Variants in NAALADL2 observed in about 807,000 individuals in gnomAD.
NAALADL2 encodes the protein inactive N-acetylated-alpha-linked acidic dipeptidase-like protein 2.
A neutral mutation model predicts 87.2 loss-of-function variants in NAALADL2; 76 were observed. That is an observed-to-expected ratio of 0.87 (90% CI 0.72 to 1.05). NAALADL2 has a LOEUF of 1.05. Ranked by LOEUF, NAALADL2 falls within the 50% of genes least tolerant of loss-of-function variation. NAALADL2 has a pLI of 0.00. For missense variants in NAALADL2, 1,089 were observed against 945.8 expected (o/e 1.15, Z -1.99); for synonymous variants, 354 against 331.0 (o/e 1.07, Z -0.75).
At chr3:174,855,604 G>A (rs1355066772), upstream of NAALADL2, among the ~76,000 whole-genome samples, 2 of 151,720 alleles carry the variant, frequency 1.3e-5, no homozygotes, top group African/African-American at 2.4e-5. Context: ...GCTAATCTAT[G>A]TCTTTGTTTT....
At chr3:175,572,472 T>C (rs1718231131) in intron 9 of NAALADL2, among the ~76,000 whole-genome samples, 2 of 149,098 alleles carry the variant, frequency 1.3e-5, no homozygotes, top group African/African-American at 5.0e-5. Context: ...AGGGAAAAAA[T>C]TAGACTTTTA....
chr3:174,836,700 C>A (rs2109398403), intron 3 of NAALADL2, among the ~76,000 whole-genome samples: 1 of 111,404 alleles, frequency 9.0e-6, no homozygotes. Flanking sequence ...CAGAGCGAGA[C>A]TCCGTCTCAA....
chr3:175,162,136 A>C (rs1733319658), intron 2 of NAALADL2, among the ~76,000 whole-genome samples: 1 of 152,120 alleles, frequency 6.6e-6, no homozygotes, highest in East Asian at 1.9e-4. Flanking sequence ...TTTGGTGTGA[A>C]ATATAAACTG....
At position 175,793,500 on chromosome 3, in the gene NAALADL2, A is replaced by G. The variant is rs188139950; in HGVS notation, c.2190-9505A>G. 2.6e-5 allele frequency among the ~76,000 whole-genome samples: 4 copies of G among 151,276 alleles called. No individual in the cohort carries two copies. In the East Asian group the frequency reaches 7.8e-4, roughly 30 times the overall value. On this transcript the variant is annotated intron_variant, in intron 13 of 13. Coordinates refer to ENST00000454872, the MANE Select transcript of NAALADL2 (RefSeq NM_207015.3). ...AATTTTTTTTTTTTGTATATTTAGT[A>G]GAGACGGGGTTACACCGTGTTAGCC...
intron 11 of NAALADL2, among the ~76,000 whole-genome samples, chr3:175,647,616 T>C (rs1730190837): frequency 6.6e-6 from 1 of 152,174 alleles, no homozygotes; most frequent in Non-Finnish European, 1.5e-5. Context: ...GACTGAGATC[T>C]AATGGGCAGT....
intron 2 of NAALADL2, among the ~76,000 whole-genome samples, chr3:175,154,270 T>C (rs1450353070): frequency 6.6e-6 from 1 of 152,192 alleles, no homozygotes; most frequent in Non-Finnish European, 1.5e-5. Flanking sequence ...TGTTGCATTA[T>C]CCTACTGGAC....
intron 1 of NAALADL2, among the ~76,000 whole-genome samples, chr3:174,924,490 T>C (rs2108373959): frequency 6.6e-6 from 1 of 152,228 alleles, no homozygotes; most frequent in South Asian, 2.1e-4. Context: ...GTTCCAAGTC[T>C]TTGCTATTGT....
intron 1 of NAALADL2, among the ~76,000 whole-genome samples, chr3:174,927,613 G>T (rs574508204): frequency 1.1e-4 from 17 of 152,252 alleles, no homozygotes; most frequent in African/African-American, 3.6e-4. Context: ...TGACTACTGG[G>T]TACATAACGA....
chr3:175,654,893 G>A (rs574174284), intron 11 of NAALADL2, among the ~76,000 whole-genome samples: 16 of 151,726 alleles, frequency 1.1e-4, no homozygotes, highest in Admixed American at 5.2e-4. Context: ...TTCTGATATT[G>A]CATTACGTAG....
chr3:175,133,709 G>A lies in NAALADL2; in HGVS notation c.545+36418G>A, dbSNP rs558138840. 2.4e-4 allele frequency among the ~76,000 whole-genome samples: 37 copies of A among 152,288 alleles called. No individual in the cohort carries two copies. The South Asian group carries it at 6.4e-3, about 26-fold the overall frequency. ...TTCGGCTTGGCATCAGAGGGAGACC[G>A]TGGAAAGAGAGGGAGAGGGAGACCG... On this transcript the variant is annotated intron_variant, in intron 2 of 13. Coordinates refer to ENST00000454872, the MANE Select transcript of NAALADL2 (RefSeq NM_207015.3).
At chr3:174,665,407 C>T (rs1419046100) in intron 2 of NAALADL2, among the ~76,000 whole-genome samples, 2 of 152,110 alleles carry the variant, frequency 1.3e-5, no homozygotes, top group Non-Finnish European at 2.9e-5. Flanking sequence ...TGCATGCAAC[C>T]TCAGCTCTAA....
At chr3:174,742,795 G>A (rs941813937) in intron 3 of NAALADL2, among the ~76,000 whole-genome samples, 4 of 151,424 alleles carry the variant, frequency 2.6e-5, no homozygotes, top group Non-Finnish European at 4.4e-5. Context: ...TTTGTAGGGT[G>A]TATTATTATG....
intron 1 of NAALADL2, among the ~76,000 whole-genome samples, chr3:175,036,978 ACT>A (rs1162057639): frequency 5.3e-5 from 8 of 151,698 alleles, no homozygotes; most frequent in African/African-American, 1.9e-4. Flanking sequence ...ACTCAGAGCT[ACT>A]CTCTCATACA....
At chr3:174,912,677 A>G (rs1733862241) in intron 1 of NAALADL2, among the ~76,000 whole-genome samples, 1 of 152,168 alleles carries the variant, frequency 6.6e-6, no homozygotes, top group Non-Finnish European at 1.5e-5. Context: ...GAAGCACAGG[A>G]TGGAAAATTT....
intron 10 of NAALADL2, among the ~76,000 whole-genome samples, chr3:175,621,765 G>T (rs1726260952): frequency 6.6e-6 from 1 of 152,160 alleles, no homozygotes; most frequent in African/African-American, 2.4e-5. Flanking sequence ...GAGTGTGTGT[G>T]TAGATTATAT....
intron 2 of NAALADL2, among the ~76,000 whole-genome samples, chr3:175,149,662 A>G (rs1001137777): frequency 6.6e-6 from 1 of 152,164 alleles, no homozygotes; most frequent in African/African-American, 2.4e-5. Flanking sequence ...TCCTACTTTT[A>G]GTAGTGATAT....
chr3:174,748,500 G>T (rs1734502445), intron 3 of NAALADL2, among the ~76,000 whole-genome samples: 1 of 151,848 alleles, frequency 6.6e-6, no homozygotes, highest in Non-Finnish European at 1.5e-5. Context: ...TCAAACCTCT[G>T]GACCCCAGAA....
chr3:175,702,034 T>C (rs573818750), intron 11 of NAALADL2, among the ~76,000 whole-genome samples: 5 of 152,320 alleles, frequency 3.3e-5, no homozygotes, highest in African/African-American at 1.2e-4. Flanking sequence ...TATCAGACTA[T>C]TCAACTCCAA....
At chr3:175,745,957 T>C (rs538863177) in intron 12 of NAALADL2, among the ~76,000 whole-genome samples, 1 of 152,320 alleles carries the variant, frequency 6.6e-6, no homozygotes, top group African/African-American at 2.4e-5. Context: ...AAAGACTTCA[T>C]ATGACCAAAT....
Sources: allele counts gnomAD v4.1 joint callset (sites outside exome capture counted in the v4.1 genomes callset), GRCh38; gene constraint gnomAD v4.1.1; transcripts MANE v1.5; gene names NCBI Gene and HGNC (gene_info 2026-07-23, HGNC 2026-07-21).